The following SREBF1 variants were observed in gnomAD, a reference collection of about 807,000 sequenced individuals.
The protein encoded by SREBF1 is sterol regulatory element binding transcription factor 1.
Under a neutral mutation model 100.1 loss-of-function variants are expected in SREBF1, and 45 were observed. That is an observed-to-expected ratio of 0.45 (90% CI 0.35 to 0.58). The LOEUF (loss-of-function observed/expected upper bound fraction) is 0.58. SREBF1 is among the 20% of genes least tolerant of loss of function. The pLI is 0.00. For missense variants in SREBF1, 1,324 were observed against 1,539.4 expected (o/e 0.86, Z 2.34); for synonymous variants, 657 against 681.8 (o/e 0.96, Z 0.57).
At chr17:17,821,231 CAA>C (rs568330295) in intron 1 of SREBF1, among the ~76,000 whole-genome samples, 2 of 152,054 alleles carry the variant, frequency 1.3e-5, no homozygotes, top group Non-Finnish European at 2.9e-5. Flanking sequence ...ATGAGGTGAC[CAA>C]CCCTTCCAGA....
intron 12 of SREBF1, 146 bp from the exon 13 acceptor site, chr17:17,815,475 CAG>C: frequency 4.5e-6 from 3 of 662,982 alleles, no homozygotes; most frequent in Non-Finnish European, 8.0e-6. Context: ...CTGCCAAGGA[CAG>C]GGGAAAGCGG....
chr17:17,823,696 G>A, intron 1 of SREBF1: 3 of 666,714 alleles, frequency 4.5e-6, no homozygotes, highest in Non-Finnish European at 5.4e-6. Flanking sequence ...CCCCAGCCCC[G>A]CCCCGCCTGC....
intron 2 of SREBF1, 41 bp downstream of exon 2, chr17:17,820,049 C>T: frequency 6.4e-7 from 1 of 1,570,968 alleles, no homozygotes; most frequent in Non-Finnish European, 8.6e-7. Context: ...CTCCTGGAAG[C>T]CCCACCCCGG....
rs114978947 is a variant in SREBF1, at chr17:17,812,861, C to A, written c.3215-10G>T. On this transcript the variant is annotated splice_polypyrimidine_tract_variant and intron_variant, in intron 18 of 18. Coordinates refer to ENST00000261646, the MANE Select transcript of SREBF1 (RefSeq NM_004176.5). ...AGCTCCGCCACCGCGCCTGCGCACA[C>A]GAGGATGTGTCAGGGATGGGTCTCA... is the stretch of plus-strand genomic sequence containing the variant. 12 of 1,474,170 alleles carry A rather than the reference C, an allele frequency of 8.1e-6. No homozygotes were observed. The South Asian group carries it at 1.3e-4, about 16-fold the overall frequency. The allele number at this position is 1,474,170 out of a possible 1,614,324, so 91.3% of individuals were successfully genotyped here. A position where few individuals can be genotyped will look rare whatever the true frequency, so the allele number is the denominator to read the frequency against.
In SREBF1 at chr17:17,816,076, A is replaced by C. The variant is rs201773379; in HGVS notation, c.2215-48T>G. On this transcript the variant is annotated intron_variant, in intron 11 of 18. Coordinates refer to ENST00000261646, the MANE Select transcript of SREBF1 (RefSeq NM_004176.5). Reference sequence around the variant, plus strand: ...GTCACAGTGGACACAGCCTGGGGCCAGACCCCGGGCCGAGTCCCAGCTTGG... The same window carrying C: ...GTCACAGTGGACACAGCCTGGGGCCCGACCCCGGGCCGAGTCCCAGCTTGG... 106 of 1,596,600 alleles carry C rather than the reference A, an allele frequency of 6.6e-5. No individual in the cohort carries two copies. In the East Asian group the frequency reaches 2.2e-3, roughly 33 times the overall value.
Position 17,811,836 on chromosome 17 carries a change from C to T in SREBF1, c.*786G>A, listed in dbSNP as rs2032886048. The stretch of plus-strand genomic sequence containing the variant: ...GAAGGGACAACTGACCCCATGGAGG[C>T]CCTAAGGGTTGACACAGCCCAACCA... On this transcript the variant is annotated 3_prime_UTR_variant, in exon 19 of 19. Transcript: ENST00000261646. 6.7e-6 allele frequency: 3 copies of T among 447,662 alleles called. No homozygotes were observed. The highest frequency in any genetic ancestry group is 3.3e-4 in the Middle Eastern group (1 of 3,002). The allele number at this position is 447,662 out of a possible 1,614,324, so 27.7% of individuals were successfully genotyped here. A position where few individuals can be genotyped will look rare whatever the true frequency, so the allele number is the denominator to read the frequency against.
chr17:17,835,860 C>T (rs1201292415), intron 1 of SREBF1, among the ~76,000 whole-genome samples: 1 of 152,238 alleles, frequency 6.6e-6, no homozygotes, highest in African/African-American at 2.4e-5. Flanking sequence ...GCGTCCTCCT[C>T]CTCCCTGACC....
intron 18 of SREBF1, 108 bp from the exon 19 acceptor site, chr17:17,812,959 G>C (rs2033082783): frequency 9.4e-7 from 1 of 1,068,776 alleles, no homozygotes; most frequent in Non-Finnish European, 1.3e-6. Flanking sequence ...CTGGCACACA[G>C]GTACCTGGCG....
At chr17:17,833,386 A>G (rs1598142725) in intron 1 of SREBF1, among the ~76,000 whole-genome samples, 1 of 132,396 alleles carries the variant, frequency 7.6e-6, no homozygotes, top group Non-Finnish European at 1.5e-5. Flanking sequence ...GCACCACTGC[A>G]CTCCAGCCTG....
rs2033809160 is a variant in SREBF1 at position 17,818,312 on chromosome 17, G to A, written c.1131C>T (p.Asn377=). The A allele has an allele frequency of 6.2e-7, 1 of 1,613,806 alleles. No homozygotes were observed. Among genetic ancestry groups the A allele is most frequent in the Non-Finnish European group, 8.5e-7 (1 of 1,180,022 alleles). Residue 377 remains asparagine, a synonymous_variant, in exon 6 of 19, where the codon AAC becomes AAT. Coordinates refer to ENST00000261646, the MANE Select transcript of SREBF1 (RefSeq NM_004176.5). The part of the protein sequence containing the change: ...IDYIRFLQHS[N]QKLKQENLSL... ...TTAGGTTCTCCTGCTTGAGTTTCTGGTTGCTGTGTTGCAGAAAGCGAATGT... is the reference window on the plus strand; with the variant it reads ...TTAGGTTCTCCTGCTTGAGTTTCTGATTGCTGTGTTGCAGAAAGCGAATGT...
At chr17:17,821,072 A>C (rs913388877) in intron 1 of SREBF1, among the ~76,000 whole-genome samples, 4 of 152,102 alleles carry the variant, frequency 2.6e-5, no homozygotes, top group Non-Finnish European at 4.4e-5. Context: ...CTGTAGCTTG[A>C]TGTGGATGGT....
chr17:17,812,390 T>A lies in SREBF1; in HGVS notation c.*232A>T. The A allele has an allele frequency of 5.0e-6, 3 of 605,372 alleles. No homozygotes were observed. Among genetic ancestry groups the A allele is most frequent in the Non-Finnish European group, 8.6e-6 (3 of 347,990 alleles). The allele number at this position is 605,372 out of a possible 1,614,324, so 37.5% of individuals were successfully genotyped here. A position where few individuals can be genotyped will look rare whatever the true frequency, so the allele number is the denominator to read the frequency against. On this transcript the variant is annotated 3_prime_UTR_variant, in exon 19 of 19. Coordinates refer to ENST00000261646, the MANE Select transcript of SREBF1 (RefSeq NM_004176.5). ...GGGCCCCCCAAAATGGCTCGGCCCCTGCAGTGCCCCGATCGGCCACCAGAG... is the reference window on the plus strand; with the variant it reads ...GGGCCCCCCAAAATGGCTCGGCCCCAGCAGTGCCCCGATCGGCCACCAGAG...
rs374509373 is a variant in SREBF1 at position 17,820,220 on chromosome 17, G to A, written c.393C>T (p.Ile131=). The A allele has an allele frequency of 2.5e-6, 4 of 1,613,700 alleles. No homozygotes were observed. The highest frequency in any genetic ancestry group is 2.5e-6 in the Non-Finnish European group (3 of 1,179,940). The change falls in exon 2 of 19, where the codon ATC becomes ATT. Residue 131 remains isoleucine (I), a synonymous_variant. Coordinates refer to ENST00000261646, the MANE Select transcript of SREBF1 (RefSeq NM_004176.5). ...GGGGCTGTGGGGTGGGGGTCTGCAG[G>A]ATGCTCAGTGGCACTGACTCTTCCT... The part of the protein sequence containing the change: ...GIKEESVPLS[I]LQTPTPQPLP...
Position 17,811,938 on chromosome 17 carries a change from A to G in SREBF1, c.*684T>C, listed in dbSNP as rs944089400. The G allele has an allele frequency of 6.7e-6, 3 of 446,924 alleles. No homozygotes were observed. Among genetic ancestry groups the G allele is most frequent in the African/African-American group, 6.1e-5 (3 of 49,190 alleles). The allele number at this position is 446,924 out of a possible 1,614,324, so 27.7% of individuals were successfully genotyped here. A position where few individuals can be genotyped will look rare whatever the true frequency, so the allele number is the denominator to read the frequency against. On this transcript the variant is annotated 3_prime_UTR_variant, in exon 19 of 19. Transcript: ENST00000261646. ...CTCCCCACTCCTCCCACTAACAAAC[A>G]AACATCGGGAAGAGCTAAGTTAAAA...
chr17:17,815,467 G>T, intron 12 of SREBF1, 138 bp from the exon 13 acceptor site: 1 of 691,204 alleles, frequency 1.4e-6, no homozygotes. Context: ...TGCAGCCCCT[G>T]CCAAGGACAG....
In SREBF1 at chr17:17,819,020, T is replaced by A; in HGVS notation, c.1061A>T (p.Glu354Val). 1.2e-6 allele frequency: 2 copies of A among 1,613,224 alleles called. No individual in the cohort carries two copies. The highest frequency in any genetic ancestry group is 1.7e-6 in the Non-Finnish European group (2 of 1,180,038). Reference protein sequence around the residue: ...IELKDLVVGTEAKLNKSAVLR... With the variant: ...IELKDLVVGTVAKLNKSAVLR... ...CTGCAGGCCTCTCCACACCTTTGCC[T>A]CAGTGCCCACCACCAGATCCTTGAG... The change falls in exon 5 of 19, where the codon GAG becomes GTG. Residue 354 changes from glutamate to valine, a missense_variant. By Grantham distance (121) the Glu-to-Val change is moderately radical (BLOSUM62 -2). Coordinates refer to ENST00000261646, the MANE Select transcript of SREBF1 (RefSeq NM_004176.5).
intron 16 of SREBF1, 178 bp from the exon 17 acceptor site, chr17:17,813,947 C>T (rs779203060): frequency 6.8e-6 from 5 of 731,266 alleles, no homozygotes; most frequent in Non-Finnish European, 1.1e-5. Flanking sequence ...TCGGCCCCCA[C>T]ACCCGCCACC....
Position 17,824,665 on chromosome 17 carries a change from G to A in SREBF1, c.92-4144C>T, listed in dbSNP as rs924573545. On this transcript the variant is annotated intron_variant, in intron 1 of 18. Transcript: ENST00000261646. This position sits in a 1 kb window ranked among gnomAD's most constrained non-coding sequence, Gnocchi z 4.2. ...GCCAAGTAGACCACCAGCAAAGCCT[G>A]CCTCTGCCCCAAACTGCAGGCCAGC... Among the ~76,000 whole-genome samples, 1 of 152,154 alleles carries A rather than the reference G, an allele frequency of 6.6e-6. No homozygotes were observed.
At chr17:17,832,120 G>C (rs76423354) in intron 1 of SREBF1, among the ~76,000 whole-genome samples, 2,420 of 152,296 alleles carry the variant, frequency 0.016, 69 homozygotes, top group African/African-American at 0.055. Flanking sequence ...TTAAGAGCTA[G>C]GCTCTGGAGC....
Sources: allele counts gnomAD v4.1 joint callset (sites outside exome capture counted in the v4.1 genomes callset), GRCh38; gene constraint gnomAD v4.1.1; non-coding constraint Gnocchi (gnomAD v3.1); transcripts MANE v1.5; gene names NCBI Gene and HGNC (gene_info 2026-07-23, HGNC 2026-07-21).